HNRNPUL1: variants seen among roughly 807,000 people sequenced by gnomAD.
The protein encoded by HNRNPUL1 is heterogeneous nuclear ribonucleoprotein U-like protein 1.
A neutral mutation model predicts 108.5 loss-of-function variants in HNRNPUL1; 14 were observed. The ratio of observed to expected loss-of-function variants is 0.13; its 90% CI spans 0.09 to 0.20. The LOEUF (loss-of-function observed/expected upper bound fraction) is 0.20. Ranked by LOEUF, HNRNPUL1 falls within the 10% of genes least tolerant of loss-of-function variation. HNRNPUL1 has a pLI of 1.00. For synonymous variants in HNRNPUL1, 422 were observed against 445.2 expected, an observed-to-expected ratio of 0.95 and a Z score of 0.66; for missense variants, 804 against 1,168.3, an observed-to-expected ratio of 0.69 and a Z score of 4.55.
intron 7 of HNRNPUL1, among the ~76,000 whole-genome samples, chr19:41,290,576 A>G (rs2122784722): frequency 6.6e-6 from 1 of 152,330 alleles, no homozygotes; most frequent in Middle Eastern, 3.4e-3. Flanking sequence ...TTTTGCAGTG[A>G]TAGCTCACAT....
chr19:41,282,177 T>A (rs1019877057), intron 7 of HNRNPUL1, among the ~76,000 whole-genome samples: 4 of 152,146 alleles, frequency 2.6e-5, no homozygotes, highest in South Asian at 4.1e-4. Flanking sequence ...CCTTCTTCTT[T>A]TTTATTTATT....
At chr19:41,266,362 G>A (rs546293780) in intron 1 of HNRNPUL1, among the ~76,000 whole-genome samples, 49 of 152,274 alleles carry the variant, frequency 3.2e-4, no homozygotes, top group Non-Finnish European at 5.4e-4. Context: ...GAACTTGGGA[G>A]GGGGAGGTTG....
chr19:41,300,045 C>G (rs2037113463), intron 10 of HNRNPUL1, among the ~76,000 whole-genome samples: 1 of 152,116 alleles, frequency 6.6e-6, no homozygotes, highest in Admixed American at 6.6e-5. Flanking sequence ...GAGGAGCAGG[C>G]TGAGGCTGGG....
intron 5 of HNRNPUL1, chr19:41,278,432 T>C (rs193094979): frequency 2.7e-5 from 4 of 150,642 alleles, no homozygotes; most frequent in Admixed American, 2.7e-4. Context: ...TTTATTGATA[T>C]TTTTTCTGAT....
Position 41,292,585 on chromosome 19 carries a change from CAG to C in HNRNPUL1, c.1266+76_1266+77del. 1 of 1,476,020 alleles carries C rather than the reference CAG, an allele frequency of 6.8e-7. No homozygotes were observed. The highest frequency in any genetic ancestry group is 9.3e-7 in the Non-Finnish European group (1 of 1,069,608). 91.4% of individuals were successfully genotyped at this position (1,476,020 alleles called of 1,614,324 possible). On this transcript the variant is annotated intron_variant, in intron 8 of 14. Coordinates refer to ENST00000392006, the MANE Select transcript of HNRNPUL1 (RefSeq NM_007040.6). This position sits in a 1 kb window ranked among gnomAD's most constrained non-coding sequence, Gnocchi z 4.1. ...GGAGACACACACACACACACACACA[CAG>C]ACTTGCTGCGAGAGTAGCCTTGGGG...
chr19:41,272,513 A>C (rs757513174), intron 3 of HNRNPUL1: 5 of 349,382 alleles, frequency 1.4e-5, no homozygotes, highest in Non-Finnish European at 2.6e-5. Context: ...CCTTTGCCTT[A>C]CTGCCCCTGC....
intron 1 of HNRNPUL1, among the ~76,000 whole-genome samples, chr19:41,265,857 G>C (rs950450439): frequency 3.9e-5 from 6 of 152,018 alleles, no homozygotes; most frequent in South Asian, 2.1e-4. Flanking sequence ...ATATGGGGAG[G>C]GGGGAGGCCG....
chr19:41,271,950 A>C, intron 2 of HNRNPUL1, 132 bp from the exon 3 acceptor site: 1 of 994,962 alleles, frequency 1.0e-6, no homozygotes, highest in East Asian at 2.4e-5. Context: ...GAACTCAGCA[A>C]GCTGCCTGTG....
Position 41,292,648 on chromosome 19 carries a change from A to T in HNRNPUL1, c.1266+137A>T. 1 of 1,095,104 alleles carries T rather than the reference A, an allele frequency of 9.1e-7. No homozygotes were observed. Among genetic ancestry groups the T allele is most frequent in the Non-Finnish European group, 1.3e-6 (1 of 748,688 alleles). 67.8% of individuals were successfully genotyped at this position (1,095,104 alleles called of 1,614,324 possible). On this transcript the variant is annotated intron_variant, in intron 8 of 14. Transcript: ENST00000392006. This position sits in a 1 kb window ranked among gnomAD's most constrained non-coding sequence, Gnocchi z 4.1. ...CTTTGTCCCAGCTCCTCAGGGTTGG[A>T]CTCAGAGCTGAAAAGCTGCTCTGAG...
intron 13 of HNRNPUL1, 167 bp from the exon 14 acceptor site, chr19:41,305,509 A>T (rs1266342860): frequency 1.2e-6 from 1 of 807,176 alleles, no homozygotes; most frequent in Admixed American, 2.4e-5. Flanking sequence ...CTACCATGGC[A>T]TGGAGCTGGC....
intron 5 of HNRNPUL1, among the ~76,000 whole-genome samples, chr19:41,277,111 A>AAAAAAAC (rs2035608923): frequency 6.6e-6 from 1 of 150,890 alleles, no homozygotes; most frequent in African/African-American, 2.4e-5. Context: ...AAAAAAAACA[A>AAAAAAAC]AAAAACAAAA....
intron 10 of HNRNPUL1, chr19:41,298,497 T>C (rs1032316494): frequency 1.3e-5 from 2 of 152,252 alleles, no homozygotes; most frequent in African/African-American, 4.8e-5. Flanking sequence ...CTCACTGTGT[T>C]TGCTGTGGCA....
chr19:41,300,292 C>T lies in HNRNPUL1; in HGVS notation c.1519-1244C>T, dbSNP rs1463533133. On this transcript the variant is annotated intron_variant, in intron 10 of 14. Transcript: ENST00000392006. ...CCAGGACTTGACCCTAGACTCTTTG[C>T]ACCCAAGCAGGCCACATCTTCAGAA... Among the ~76,000 whole-genome samples, 3 of 151,978 alleles carry T rather than the reference C, an allele frequency of 2.0e-5. No individual in the cohort carries two copies. The East Asian group carries it at 5.8e-4, about 29-fold the overall frequency.
intron 7 of HNRNPUL1, among the ~76,000 whole-genome samples, chr19:41,285,961 A>G (rs1225970503): frequency 1.3e-5 from 2 of 152,142 alleles, no homozygotes; most frequent in Admixed American, 6.5e-5. Context: ...TTGAGCCCAG[A>G]AGTTCAAGAC....
intron 2 of HNRNPUL1, 91 bp downstream of exon 2, chr19:41,268,436 CTG>C (rs2034994585): frequency 5.1e-6 from 7 of 1,373,384 alleles, no homozygotes; most frequent in East Asian, 2.4e-5. Flanking sequence ...CCCAGAGAAA[CTG>C]TGCATCTTTT....
rs755694742 is a variant in HNRNPUL1, at chr19:41,264,533, A to G, written c.30A>G (p.Glu10=). The part of the protein sequence containing the change: MDVRRLKVN[E]LREELQRRGL... ...ATGTGCGCCGTCTGAAGGTGAACGAACTTCGCGAGGAGCTGCAGCGCCGCG... is the reference window on the plus strand; with the variant it reads ...ATGTGCGCCGTCTGAAGGTGAACGAGCTTCGCGAGGAGCTGCAGCGCCGCG... Residue 10 remains glutamate, a synonymous_variant, in exon 1 of 15, where the codon GAA becomes GAG. Transcript: ENST00000392006. 1.4e-5 allele frequency: 20 copies of G among 1,478,698 alleles called. No homozygotes were observed. The African/African-American group carries it at 2.8e-4, about 20-fold the overall frequency. 91.6% of individuals were successfully genotyped at this position (1,478,698 alleles called of 1,614,324 possible).
In HNRNPUL1 at chr19:41,294,869, G is replaced by T. The variant is rs951302539; in HGVS notation, c.1518+183G>T. Among the ~76,000 whole-genome samples the T allele has an allele frequency of 6.6e-6, 1 of 152,146 alleles. No homozygotes were observed. The highest frequency in any genetic ancestry group is 1.5e-5 in the Non-Finnish European group (1 of 68,036). ...CTACACACAGCTGAGCCTGGACTGGGATCATGATCTAGGCCTACTTACTCA... is the reference window on the plus strand; with the variant it reads ...CTACACACAGCTGAGCCTGGACTGGTATCATGATCTAGGCCTACTTACTCA... On this transcript the variant is annotated intron_variant, in intron 10 of 14. Coordinates refer to ENST00000392006, the MANE Select transcript of HNRNPUL1 (RefSeq NM_007040.6). The surrounding 1 kb of genome is among the most constrained non-coding windows in gnomAD (Gnocchi z 4.3).
At chr19:41,265,502 C>T (rs1435329537) in intron 1 of HNRNPUL1, among the ~76,000 whole-genome samples, 1 of 152,066 alleles carries the variant, frequency 6.6e-6, no homozygotes, top group Non-Finnish European at 1.5e-5. Flanking sequence ...GGAAGGCCAC[C>T]CTTGAAGCAG....
intron 10 of HNRNPUL1, chr19:41,298,849 G>A (rs1403340404): frequency 6.6e-6 from 1 of 151,696 alleles, no homozygotes; most frequent in African/African-American, 2.4e-5. Context: ...CAGGGCAGTT[G>A]TACCACATGG....
Sources: gnomAD v4.1 joint callset for allele counts (sites outside exome capture counted in the v4.1 genomes callset) on GRCh38, gnomAD v4.1.1 for gene constraint, Gnocchi (gnomAD v3.1) non-coding constraint, MANE v1.5 for transcripts, NCBI Gene and HGNC (gene_info 2026-07-23, HGNC 2026-07-21) for gene names.